ST8SIA6: variants seen among roughly 807,000 people sequenced by gnomAD.
ST8SIA6 encodes ST8 alpha-N-acetyl-neuraminide alpha-2,8-sialyltransferase 6, also known as alpha-2,8-sialyltransferase 8F.
A neutral mutation model predicts 33.6 loss-of-function variants in ST8SIA6; 39 were observed. The observed-to-expected ratio is 1.16, with a 90% CI of 0.90 to 1.52. ST8SIA6 has a LOEUF of 1.52. Ranked by LOEUF, ST8SIA6 falls within the 40% of genes most tolerant of loss-of-function variation. The pLI is 0.00. For synonymous variants in ST8SIA6, 172 were observed against 167.2 expected, an observed-to-expected ratio of 1.03 and a Z score of -0.22; for missense variants, 441 against 443.8, an observed-to-expected ratio of 0.99 and a Z score of 0.06.
At chr10:17,364,192 A>T (rs186068519) in intron 3 of ST8SIA6, among the ~76,000 whole-genome samples, 9 of 152,318 alleles carry the variant, frequency 5.9e-5, no homozygotes, top group Non-Finnish European at 2.9e-5. Context: ...AACTGGGAAA[A>T]ATGTGCATTG....
intron 2 of ST8SIA6, among the ~76,000 whole-genome samples, chr10:17,449,147 T>C (rs1564470840): frequency 6.6e-6 from 1 of 151,682 alleles, no homozygotes; most frequent in Non-Finnish European, 1.5e-5. Flanking sequence ...AAATTCATAG[T>C]ATTAAATATT....
chr10:17,366,990 T>G (rs1849578623), intron 3 of ST8SIA6, among the ~76,000 whole-genome samples: 1 of 152,162 alleles, frequency 6.6e-6, no homozygotes, highest in Non-Finnish European at 1.5e-5. Flanking sequence ...GCCAAGAATT[T>G]ATAGCACAAA....
At chr10:17,333,684 TATATATATATATATATATATATATATATA>T (rs1848376618) in intron 4 of ST8SIA6, among the ~76,000 whole-genome samples, 1 of 16,202 alleles carries the variant, frequency 6.2e-5, no homozygotes, top group Non-Finnish European at 1.1e-4. Context: ...TATATATATA[TATATATATATATATATATATATATATATA>T]TATATTTTTT....
intron 3 of ST8SIA6, among the ~76,000 whole-genome samples, chr10:17,389,336 G>GTGAAACCACTGGGCGTTTACATTA (rs1459278866): frequency 6.6e-6 from 1 of 152,158 alleles, no homozygotes; most frequent in Admixed American, 6.5e-5. Flanking sequence ...AGTGGGCAAG[G>GTGAAACCACTGGGCGTTTACATTA]TGAAACCACT....
intron 3 of ST8SIA6, among the ~76,000 whole-genome samples, chr10:17,374,748 A>AAAAT (rs1344895365): frequency 3.8e-4 from 26 of 67,600 alleles, no homozygotes; most frequent in East Asian, 2.2e-3. Context: ...ATAAATAAAT[A>AAAAT]ATAAATATAT....
intron 3 of ST8SIA6, among the ~76,000 whole-genome samples, chr10:17,383,363 T>C (rs927554793): frequency 1.3e-5 from 2 of 152,198 alleles, no homozygotes; most frequent in Non-Finnish European, 2.9e-5. Flanking sequence ...ACAGGAAGCA[T>C]TGTCAAATAT....
At position 17,316,231 on chromosome 10, in the gene ST8SIA6, G is replaced by A. The variant is rs1273453800; in HGVS notation, c.*4647C>T. Among the ~76,000 whole-genome samples, 2 of 151,976 alleles carry A rather than the reference G, an allele frequency of 1.3e-5. No homozygotes were observed. The highest frequency in any genetic ancestry group is 2.4e-5 in the African/African-American group (1 of 41,418). ...TAGCCTTGAATATGTTTGTATGTATGCATGCATACGCTTTAAAGTAATTAA... is the reference window on the plus strand; with the variant it reads ...TAGCCTTGAATATGTTTGTATGTATACATGCATACGCTTTAAAGTAATTAA... On this transcript the variant is annotated 3_prime_UTR_variant, in exon 8 of 8. Transcript: ENST00000377602.
chr10:17,432,316 G>T (rs1401086971), intron 2 of ST8SIA6, among the ~76,000 whole-genome samples: 1 of 152,140 alleles, frequency 6.6e-6, no homozygotes, highest in African/African-American at 2.4e-5. Flanking sequence ...TATTTAAAAG[G>T]ACCACTTAGT....
intron 2 of ST8SIA6, among the ~76,000 whole-genome samples, chr10:17,418,053 G>A (rs1196164553): frequency 6.6e-6 from 1 of 152,100 alleles, no homozygotes; most frequent in Non-Finnish European, 1.5e-5. Context: ...AAGAGTAAAT[G>A]GGATTGCAGC....
At chr10:17,387,080 G>A (rs1038986573) in intron 3 of ST8SIA6, 1 of 152,216 alleles carries the variant, frequency 6.6e-6, no homozygotes, top group Non-Finnish European at 1.5e-5. Context: ...CTATTGGTGA[G>A]TTCCACGTAC....
chr10:17,324,708 TACACACACACACAC>T (rs6143806), intron 6 of ST8SIA6, among the ~76,000 whole-genome samples: 13 of 140,022 alleles, frequency 9.3e-5, no homozygotes, highest in Non-Finnish European at 6.1e-5. Flanking sequence ...ATATAGAGTA[TACACACACACACAC>T]ACACACACAC....
Position 17,320,791 on chromosome 10 carries a change from T to A in ST8SIA6, c.*87A>T, listed in dbSNP as rs538021020. 2 of 1,434,082 alleles carry A rather than the reference T, an allele frequency of 1.4e-6. No individual in the cohort carries two copies. The highest frequency in any genetic ancestry group is 4.6e-5 in the East Asian group (2 of 43,420). 88.8% of individuals were successfully genotyped at this position (1,434,082 alleles called of 1,614,324 possible). On this transcript the variant is annotated 3_prime_UTR_variant, in exon 8 of 8. Coordinates refer to ENST00000377602, the MANE Select transcript of ST8SIA6 (RefSeq NM_001004470.3). ...AATTTTGGGGCTCATCTCAAAATAC[T>A]CTTTAGCCACCTCCTTTGGTGTTTG...
intron 6 of ST8SIA6, among the ~76,000 whole-genome samples, chr10:17,324,556 G>C (rs1427973904): frequency 6.6e-6 from 1 of 151,694 alleles, no homozygotes; most frequent in African/African-American, 2.4e-5. Flanking sequence ...AGACTCCATA[G>C]GGAAGGGTAT....
intron 4 of ST8SIA6, among the ~76,000 whole-genome samples, chr10:17,348,819 C>T (rs760094252): frequency 3.3e-5 from 5 of 149,420 alleles, no homozygotes; most frequent in Admixed American, 6.7e-5. Flanking sequence ...TTAGGCTTCA[C>T]CCAGCAGAAT....
intron 2 of ST8SIA6, among the ~76,000 whole-genome samples, chr10:17,395,762 A>G (rs1850783913): frequency 6.6e-6 from 1 of 152,098 alleles, no homozygotes; most frequent in Non-Finnish European, 1.5e-5. Flanking sequence ...ACGTGCCTGT[A>G]ATCCCAGCTA....
At chr10:17,405,779 G>T (rs1308360909) in intron 2 of ST8SIA6, among the ~76,000 whole-genome samples, 2 of 150,670 alleles carry the variant, frequency 1.3e-5, no homozygotes, top group East Asian at 3.9e-4. Flanking sequence ...CTACTCAGGA[G>T]ACTGAGGCAG....
chr10:17,391,702 T>TA (rs1850620234), intron 2 of ST8SIA6, among the ~76,000 whole-genome samples: 1 of 152,176 alleles, frequency 6.6e-6, no homozygotes, highest in Non-Finnish European at 1.5e-5. Context: ...ATTTGTTTTA[T>TA]AAACTTTGAA....
chr10:17,333,707 ATATATATATATT>A (rs1214983598), intron 4 of ST8SIA6, among the ~76,000 whole-genome samples: 3 of 26,740 alleles, frequency 1.1e-4, no homozygotes, highest in African/African-American at 3.8e-4. Context: ...ATATATATAT[ATATATATATATT>A]TTTTTTTTTT....
intron 2 of ST8SIA6, among the ~76,000 whole-genome samples, chr10:17,452,859 A>G (rs554664646): frequency 7.2e-5 from 11 of 152,324 alleles, no homozygotes; most frequent in African/African-American, 2.6e-4. Flanking sequence ...ACTGCAATGT[A>G]TAATCTAAGT....
Sources: gnomAD v4.1 joint callset for allele counts (sites outside exome capture counted in the v4.1 genomes callset) on GRCh38, gnomAD v4.1.1 for gene constraint, MANE v1.5 for transcripts, NCBI Gene and HGNC (gene_info 2026-07-23, HGNC 2026-07-21) for gene names.